The following AIG1 variants were observed in gnomAD, a reference collection of about 807,000 sequenced individuals.
AIG1 encodes the protein androgen induced 1.
A neutral mutation model predicts 31.4 loss-of-function variants in AIG1; 23 were observed. The ratio of observed to expected loss-of-function variants is 0.73; its 90% CI spans 0.53 to 1.04. The LOEUF (loss-of-function observed/expected upper bound fraction) is 1.04. Ranked by LOEUF, AIG1 falls within the 50% of genes least tolerant of loss-of-function variation. The pLI is 0.00. For missense variants in AIG1, 274 were observed against 295.0 expected (o/e 0.93, Z 0.52); for synonymous variants, 100 against 110.5 (o/e 0.90, Z 0.60).
chr6:143,217,720 G>A (rs185858389), intron 3 of AIG1, among the ~76,000 whole-genome samples: 1 of 152,144 alleles, frequency 6.6e-6, no homozygotes, highest in Non-Finnish European at 1.5e-5. Context: ...TGTTGGCCAG[G>A]CTCATCTGGA....
intron 3 of AIG1, among the ~76,000 whole-genome samples, chr6:143,262,612 A>G (rs139068240): frequency 3.3e-4 from 50 of 152,342 alleles, no homozygotes; most frequent in African/African-American, 1.0e-3. Context: ...GATTCCTACA[A>G]TGACGAAAGG....
chr6:143,223,307 A>T (rs949530357), intron 3 of AIG1, among the ~76,000 whole-genome samples: 7 of 152,206 alleles, frequency 4.6e-5, no homozygotes, highest in Non-Finnish European at 1.0e-4. Flanking sequence ...CTGTGCTGTA[A>T]CGAGTCCTCC....
At chr6:143,146,330 G>A (rs1022970813) in intron 2 of AIG1, among the ~76,000 whole-genome samples, 1 of 152,146 alleles carries the variant, frequency 6.6e-6, no homozygotes, top group Non-Finnish European at 1.5e-5. Flanking sequence ...CACTAGACAT[G>A]TGATTCCTGT....
intron 1 of AIG1, among the ~76,000 whole-genome samples, chr6:143,115,722 A>G (rs1781678422): frequency 6.6e-6 from 1 of 152,212 alleles, no homozygotes; most frequent in African/African-American, 2.4e-5. Flanking sequence ...GGCACATAGT[A>G]AGCACCTGTA....
chr6:143,106,911 C>T lies in AIG1; in HGVS notation c.142-29924C>T, dbSNP rs191984825. Reference sequence around the variant, plus strand: ...AGTGGAAGGGAGGAAGGCTCTCTCTCGGGCCTCTTTTATAAGGACACTAAT... The same window carrying T: ...AGTGGAAGGGAGGAAGGCTCTCTCTTGGGCCTCTTTTATAAGGACACTAAT... On this transcript the variant is annotated intron_variant, in intron 1 of 5. Transcript: ENST00000357847. 3.3e-5 allele frequency among the ~76,000 whole-genome samples: 5 copies of T among 152,220 alleles called. No homozygotes were observed. In the East Asian group the frequency reaches 7.7e-4, roughly 24 times the overall value.
At chr6:143,171,138 G>A (rs1787473556) in intron 3 of AIG1, among the ~76,000 whole-genome samples, 1 of 150,792 alleles carries the variant, frequency 6.6e-6, no homozygotes, top group South Asian at 2.1e-4. Flanking sequence ...ACCAAAAAAG[G>A]TTCTCTCTGA....
chr6:143,161,397 T>C (rs1286851447), intron 2 of AIG1, among the ~76,000 whole-genome samples: 1 of 152,058 alleles, frequency 6.6e-6, no homozygotes, highest in Non-Finnish European at 1.5e-5. Context: ...GAATTTATAC[T>C]GTTACCAGAA....
chr6:143,228,882 T>A lies in AIG1; in HGVS notation c.400-55228T>A, dbSNP rs146918206. On this transcript the variant is annotated intron_variant, in intron 3 of 5. Coordinates refer to ENST00000357847, the MANE Select transcript of AIG1 (RefSeq NM_016108.4). ...GCCAACTCACTTTAAATTTAAGAGTTCAATTCTTATTCTCTTAAAAGGCAA... is the reference window on the plus strand; with the variant it reads ...GCCAACTCACTTTAAATTTAAGAGTACAATTCTTATTCTCTTAAAAGGCAA... 7.7e-3 allele frequency among the ~76,000 whole-genome samples: 1,173 copies of A among 152,344 alleles called. 15 individuals are homozygous for A. Among genetic ancestry groups the A allele is most frequent in the Middle Eastern group, 0.041 (12 of 294 alleles).
intron 3 of AIG1, among the ~76,000 whole-genome samples, chr6:143,236,797 T>C (rs1793839011): frequency 6.6e-6 from 1 of 152,216 alleles, no homozygotes; most frequent in Admixed American, 6.5e-5. Flanking sequence ...CACTGCTTTG[T>C]TTGCTCTAAA....
intron 4 of AIG1, among the ~76,000 whole-genome samples, chr6:143,303,740 T>G (rs1179296040): frequency 6.7e-6 from 1 of 148,604 alleles, no homozygotes; most frequent in Non-Finnish European, 1.5e-5. Context: ...AACTTTAAAG[T>G]AGTTTTTTCC....
chr6:143,130,741 A>T (rs1783151892), intron 1 of AIG1, among the ~76,000 whole-genome samples: 1 of 152,126 alleles, frequency 6.6e-6, no homozygotes, highest in Non-Finnish European at 1.5e-5. Flanking sequence ...AGAAGTTTTA[A>T]ATTCAGGGGT....
intron 3 of AIG1, among the ~76,000 whole-genome samples, chr6:143,192,628 A>G (rs1314567583): frequency 6.6e-6 from 1 of 150,598 alleles, no homozygotes; most frequent in East Asian, 1.9e-4. Context: ...AAAAAGCCTT[A>G]TTTTTTTCCT....
intron 3 of AIG1, among the ~76,000 whole-genome samples, chr6:143,197,663 C>G (rs1790362529): frequency 6.6e-6 from 1 of 152,202 alleles, no homozygotes; most frequent in South Asian, 2.1e-4. Context: ...ACACCTCCCA[C>G]AGATCCTCTA....
chr6:143,247,103 C>A (rs1405815497), intron 3 of AIG1, among the ~76,000 whole-genome samples: 2 of 151,228 alleles, frequency 1.3e-5, no homozygotes, highest in Non-Finnish European at 2.9e-5. Context: ...GAAATATTGT[C>A]AACCAGGGAA....
chr6:143,201,056 A>G (rs1790657791), intron 3 of AIG1, among the ~76,000 whole-genome samples: 1 of 152,142 alleles, frequency 6.6e-6, no homozygotes, highest in Non-Finnish European at 1.5e-5. Flanking sequence ...CTTGCTGCTC[A>G]AGACAGTAAA....
At chr6:143,314,823 A>C (rs1026879213) in intron 4 of AIG1, among the ~76,000 whole-genome samples, 3 of 152,150 alleles carry the variant, frequency 2.0e-5, no homozygotes, top group Non-Finnish European at 4.4e-5. Context: ...TTACATAAAC[A>C]CACTCTTTGA....
At chr6:143,064,342 C>G (rs1439192623) in intron 1 of AIG1, among the ~76,000 whole-genome samples, 1 of 152,042 alleles carries the variant, frequency 6.6e-6, no homozygotes, top group African/African-American at 2.4e-5. Flanking sequence ...GAGAGAGATA[C>G]GACAATGCTG....
chr6:143,075,642 TGTTTGTTTTGG>T (rs905827105), intron 1 of AIG1, among the ~76,000 whole-genome samples: 3 of 152,188 alleles, frequency 2.0e-5, no homozygotes, highest in Non-Finnish European at 4.4e-5. Flanking sequence ...TTCTTCCTTT[TGTTTGTTTTGG>T]GTTTGTTTTG....
In AIG1 at chr6:143,268,159, T is replaced by C. The variant is rs1011530379; in HGVS notation, c.400-15951T>C. Reference sequence around the variant, plus strand: ...TTGGGAAATAAAGCCATTTAAAATATTGGTCTGTGGGTGAAAATGACAAAA... The same window carrying C: ...TTGGGAAATAAAGCCATTTAAAATACTGGTCTGTGGGTGAAAATGACAAAA... On this transcript the variant is annotated intron_variant, in intron 3 of 5. Coordinates refer to ENST00000357847, the MANE Select transcript of AIG1 (RefSeq NM_016108.4). This position sits in a 1 kb window ranked among gnomAD's most constrained non-coding sequence, Gnocchi z 5.0. Among the ~76,000 whole-genome samples the C allele has an allele frequency of 6.6e-6, 1 of 152,120 alleles. No homozygotes were observed. Among genetic ancestry groups the C allele is most frequent in the Admixed American group, 6.5e-5 (1 of 15,268 alleles).
Sources: allele counts gnomAD v4.1 joint callset (sites outside exome capture counted in the v4.1 genomes callset), GRCh38; gene constraint gnomAD v4.1.1; non-coding constraint Gnocchi (gnomAD v3.1); transcripts MANE v1.5; gene names NCBI Gene and HGNC (gene_info 2026-07-23, HGNC 2026-07-21).